The following CPXM2 variants were observed in gnomAD, a reference collection of about 807,000 sequenced individuals.
CPXM2 encodes the protein inactive carboxypeptidase-like protein X2.
A neutral mutation model predicts 86.1 loss-of-function variants in CPXM2; 66 were observed. The ratio of observed to expected loss-of-function variants is 0.77; its 90% CI spans 0.63 to 0.94. CPXM2 has a LOEUF of 0.94. Among genes scored for constraint, CPXM2 ranks in the 40% least tolerant of loss-of-function variants. The pLI, the probability that CPXM2 is intolerant of heterozygous loss-of-function variation, is 0.00. For synonymous variants in CPXM2, 388 were observed against 400.2 expected (o/e 0.97, Z 0.36); for missense variants, 948 against 1,026.3 (o/e 0.92, Z 1.04).
chr10:123,839,105 A>G (rs112367456), intron 4 of CPXM2, among the ~76,000 whole-genome samples: 4,330 of 152,324 alleles, frequency 0.028, 78 homozygotes, highest in African/African-American at 0.053. Context: ...AGGAAGAGCC[A>G]CCACTTACTC....
At chr10:123,785,675 C>T (rs1023416178) in intron 6 of CPXM2, among the ~76,000 whole-genome samples, 1 of 151,368 alleles carries the variant, frequency 6.6e-6, no homozygotes, top group South Asian at 2.1e-4. Flanking sequence ...GCTCATTGCC[C>T]AGGCTGGAGT....
rs78588830 is a variant in CPXM2, at chr10:123,869,709, C to T, written c.404-6986G>A. Reference sequence around the variant, plus strand: ...CGTACTGCCTTAGCTCTGTCTCTTGCTAGCAGTCTCTGCATTACATATGCT... The same window carrying T: ...CGTACTGCCTTAGCTCTGTCTCTTGTTAGCAGTCTCTGCATTACATATGCT... On this transcript the variant is annotated intron_variant, in intron 2 of 13. Transcript: ENST00000241305. 9.4e-3 allele frequency among the ~76,000 whole-genome samples: 1,428 copies of T among 152,312 alleles called. 10 individuals carry two copies. Among genetic ancestry groups the T allele is most frequent in the East Asian group, 0.017 (88 of 5,172 alleles).
At chr10:123,895,309 AG>A (rs1590109924), upstream of CPXM2, among the ~76,000 whole-genome samples, 1 of 151,670 alleles carries the variant, frequency 6.6e-6, no homozygotes, top group East Asian at 1.9e-4. Context: ...TTTTTCATAC[AG>A]ACAGGGTTTC....
chr10:123,933,844 A>G (rs1945690590), intron 2 of CPXM2, among the ~76,000 whole-genome samples: 1 of 152,074 alleles, frequency 6.6e-6, no homozygotes, highest in African/African-American at 2.4e-5. Context: ...GGAGCACAGG[A>G]GGAAGGGAGC....
chr10:123,879,551 C>T (rs955448676), intron 2 of CPXM2, among the ~76,000 whole-genome samples: 7 of 152,130 alleles, frequency 4.6e-5, no homozygotes, highest in African/African-American at 7.2e-5. Flanking sequence ...CTGGCTACTA[C>T]ATAAGTGCTT....
At chr10:123,858,364 G>A (rs1425498359) in intron 3 of CPXM2, among the ~76,000 whole-genome samples, 2 of 152,236 alleles carry the variant, frequency 1.3e-5, no homozygotes, top group Non-Finnish European at 2.9e-5. Flanking sequence ...TTCTGCAAGC[G>A]GCTCAGCATT....
chr10:123,943,942 G>T (rs996503564), upstream of CPXM2, among the ~76,000 whole-genome samples: 3 of 152,198 alleles, frequency 2.0e-5, no homozygotes, highest in African/African-American at 7.2e-5. Flanking sequence ...GGCTAAACAG[G>T]TCCTTTGTGG....
At chr10:123,776,701 A>G (rs1468937196) in intron 7 of CPXM2, 1 of 152,224 alleles carries the variant, frequency 6.6e-6, no homozygotes, top group Non-Finnish European at 1.5e-5. Flanking sequence ...TTCGCTGAGA[A>G]ACACAGGGCC....
At chr10:123,836,335 G>A (rs1848280150) in intron 4 of CPXM2, among the ~76,000 whole-genome samples, 1 of 152,010 alleles carries the variant, frequency 6.6e-6, no homozygotes, top group Middle Eastern at 3.4e-3. Flanking sequence ...CTCCCACAGC[G>A]GCTCCTGAAC....
At chr10:123,912,055 A>T (rs551282888) in intron 2 of CPXM2, among the ~76,000 whole-genome samples, 9 of 152,208 alleles carry the variant, frequency 5.9e-5, no homozygotes, top group Admixed American at 4.6e-4. Context: ...CCACGTGCAC[A>T]GCTAGACCTC....
chr10:123,839,130 G>T lies in CPXM2; in HGVS notation c.653+3219C>A, dbSNP rs367676756. Among the ~76,000 whole-genome samples the T allele has an allele frequency of 9.4e-4, 143 of 152,314 alleles. 3 individuals carry two copies. In the South Asian group the frequency reaches 0.027, roughly 28 times the overall value. ...ACCACTTACTCTGCACTTATTATGT[G>T]CTGGGTCATTTAAAACCTCATAATT... is the stretch of plus-strand genomic sequence containing the variant. On this transcript the variant is annotated intron_variant, in intron 4 of 13. Transcript: ENST00000241305.
At chr10:123,936,691 C>T (rs1564826632) in intron 2 of CPXM2, among the ~76,000 whole-genome samples, 1 of 152,190 alleles carries the variant, frequency 6.6e-6, no homozygotes, top group Non-Finnish European at 1.5e-5. Flanking sequence ...TTCTCTCTTT[C>T]CTCAAGTCTC....
chr10:123,888,959 A>G (rs1945222387), intron 1 of CPXM2, among the ~76,000 whole-genome samples: 1 of 152,242 alleles, frequency 6.6e-6, no homozygotes, highest in African/African-American at 2.4e-5. Flanking sequence ...TGTGTCCTGC[A>G]GGAGCAGAGG....
At chr10:123,781,898 G>C (rs1477718729) in intron 6 of CPXM2, among the ~76,000 whole-genome samples, 2 of 152,172 alleles carry the variant, frequency 1.3e-5, no homozygotes, top group Non-Finnish European at 2.9e-5. Context: ...TACCCGAACT[G>C]ATCGAGGTTC....
intron 3 of CPXM2, among the ~76,000 whole-genome samples, chr10:123,853,055 G>T (rs1264208148): frequency 6.6e-6 from 1 of 152,154 alleles, no homozygotes; most frequent in African/African-American, 2.4e-5. Context: ...TAGATCATGG[G>T]GGTGGATCTC....
chr10:123,835,985 T>C (rs1410894396), intron 4 of CPXM2, among the ~76,000 whole-genome samples: 2 of 152,198 alleles, frequency 1.3e-5, no homozygotes, highest in Non-Finnish European at 2.9e-5. Context: ...CCCGACGCCC[T>C]GGACCAAGGT....
chr10:123,889,340 C>T (rs2134247147), intron 1 of CPXM2, among the ~76,000 whole-genome samples: 1 of 152,280 alleles, frequency 6.6e-6, no homozygotes, highest in Non-Finnish European at 1.5e-5. Flanking sequence ...AAGCATTACG[C>T]AAGCCCCCAC....
intron 4 of CPXM2, among the ~76,000 whole-genome samples, chr10:123,818,029 T>A (rs185404539): frequency 2.0e-5 from 3 of 152,244 alleles, no homozygotes; most frequent in Non-Finnish European, 4.4e-5. Context: ...GAAAGAAGCA[T>A]GATTAGAAAG....
intron 8 of CPXM2, chr10:123,769,563 C>T (rs61861859): frequency 0.16 from 25,013 of 151,922 alleles, 2,283 homozygotes; most frequent in African/African-American, 0.26. Context: ...GCCTGGGAGA[C>T]GGAATGAGAC....
Sources: gnomAD v4.1 joint callset for allele counts (sites outside exome capture counted in the v4.1 genomes callset) on GRCh38, gnomAD v4.1.1 for gene constraint, MANE v1.5 for transcripts, NCBI Gene and HGNC (gene_info 2026-07-23, HGNC 2026-07-21) for gene names.